FSTL5: variants seen among roughly 807,000 people sequenced by gnomAD.
The protein encoded by FSTL5 is follistatin-related protein 5.
FSTL5 carries 62 observed loss-of-function variants against 89.1 expected under a neutral mutation model. The ratio of observed to expected loss-of-function variants is 0.70; its 90% CI spans 0.57 to 0.86. FSTL5 has a LOEUF of 0.86. FSTL5 is among the 40% of genes least tolerant of loss of function. The pLI is 0.00. For missense variants in FSTL5, 1,057 were observed against 1,001.6 expected (o/e 1.06, Z -0.75); for synonymous variants, 383 against 346.2 (o/e 1.11, Z -1.18).
At chr4:162,110,952 G>A (rs1021862096) in intron 2 of FSTL5, among the ~76,000 whole-genome samples, 1 of 151,728 alleles carries the variant, frequency 6.6e-6, no homozygotes. Flanking sequence ...CAATTAATAT[G>A]GGAGTAATAT....
intron 2 of FSTL5, among the ~76,000 whole-genome samples, chr4:162,044,778 T>G (rs1738108653): frequency 6.6e-6 from 1 of 152,162 alleles, no homozygotes; most frequent in South Asian, 2.1e-4. Context: ...CTTGCACTCT[T>G]ATATTATAGA....
In FSTL5 at chr4:162,111,467, C is replaced by T. The variant is rs376849658; in HGVS notation, c.-16-55G>A. The T allele has an allele frequency of 3.6e-4, 471 of 1,317,898 alleles. 4 individuals are homozygous for T. In the South Asian group the frequency reaches 6.3e-3, roughly 18 times the overall value. The allele number at this position is 1,317,898 out of a possible 1,614,324, so 81.6% of individuals were successfully genotyped here. A position where few individuals can be genotyped will look rare whatever the true frequency, so the allele number is the denominator to read the frequency against. ...AGAAAATGAATTATATATTAAAAAA[C>T]ATGTATCATGAAATATTTAATATCA... On this transcript the variant is annotated intron_variant, in intron 1 of 15. Coordinates refer to ENST00000306100, the MANE Select transcript of FSTL5 (RefSeq NM_020116.5).
chr4:162,008,253 C>A (rs1736666485), intron 3 of FSTL5, among the ~76,000 whole-genome samples: 1 of 151,686 alleles, frequency 6.6e-6, no homozygotes. Context: ...CTTAAACATA[C>A]TGTATAAAAT....
chr4:161,566,100 CTATATATATATATA>C (rs59511238), intron 8 of FSTL5, among the ~76,000 whole-genome samples: 670 of 54,050 alleles, frequency 0.012, 9 homozygotes, highest in Admixed American at 0.054. Context: ...TTTTTTTGGA[CTATATATATATATA>C]TATATATATA....
Position 161,779,057 on chromosome 4 carries a change from G to A in FSTL5, c.410-2983C>T, listed in dbSNP as rs943568493. On this transcript the variant is annotated intron_variant, in intron 4 of 15. Coordinates refer to ENST00000306100, the MANE Select transcript of FSTL5 (RefSeq NM_020116.5). ...TGGGGAGATCTGAATGTTGGCGAGA[G>A]ATGGATGGGAAATAGGAGTTAAACA... Among the ~76,000 whole-genome samples the A allele has an allele frequency of 3.2e-4, 49 of 152,190 alleles. 1 individual carries two copies. Among genetic ancestry groups the A allele is most frequent in the Admixed American group, 5.9e-4 (9 of 15,284 alleles).
chr4:161,509,214 A>T (rs1730575787), intron 11 of FSTL5, among the ~76,000 whole-genome samples: 1 of 152,104 alleles, frequency 6.6e-6, no homozygotes, highest in African/African-American at 2.4e-5. Flanking sequence ...AAGGCAGGAG[A>T]ATTGCTTGAA....
intron 4 of FSTL5, among the ~76,000 whole-genome samples, chr4:161,838,219 G>T (rs1006908770): frequency 8.5e-5 from 13 of 152,114 alleles, no homozygotes; most frequent in African/African-American, 3.1e-4. Context: ...TAAGGACAAA[G>T]GTAAGAAATT....
At chr4:161,677,442 C>T (rs1055603232) in intron 6 of FSTL5, among the ~76,000 whole-genome samples, 3 of 151,832 alleles carry the variant, frequency 2.0e-5, no homozygotes, top group Admixed American at 2.0e-4. Context: ...GTTTTTATTC[C>T]TTTTTAATGG....
intron 7 of FSTL5, among the ~76,000 whole-genome samples, chr4:161,598,782 A>C (rs1734128497): frequency 6.6e-6 from 1 of 152,168 alleles, no homozygotes; most frequent in Admixed American, 6.6e-5. Flanking sequence ...GTTTAGACAT[A>C]TAGAAAATTC....
At chr4:161,436,732 A>G (rs1470138791) in intron 15 of FSTL5, among the ~76,000 whole-genome samples, 1 of 152,218 alleles carries the variant, frequency 6.6e-6, no homozygotes, top group Non-Finnish European at 1.5e-5. Context: ...ATGCCCGCAG[A>G]TGGTCAGATT....
chr4:161,440,524 T>C (rs1230518382), intron 15 of FSTL5, among the ~76,000 whole-genome samples: 1 of 152,134 alleles, frequency 6.6e-6, no homozygotes, highest in Non-Finnish European at 1.5e-5. Context: ...CACCTACAGA[T>C]AGTCTCTGAC....
chr4:161,954,912 C>A (rs1381851709), intron 3 of FSTL5, among the ~76,000 whole-genome samples: 1 of 151,262 alleles, frequency 6.6e-6, no homozygotes, highest in Non-Finnish European at 1.5e-5. Flanking sequence ...AATGGGAAAA[C>A]AAGCAAAATT....
Position 161,770,160 on chromosome 4 carries a change from T to C in FSTL5, c.606+5718A>G, listed in dbSNP as rs140456953. On this transcript the variant is annotated intron_variant, in intron 5 of 15. Coordinates refer to ENST00000306100, the MANE Select transcript of FSTL5 (RefSeq NM_020116.5). ...CTTACTTATTTGTGGGAGCTACAAA[T>C]GGAAACAATTGAACTTACAGCGATA... is the stretch of plus-strand genomic sequence containing the variant. Among the ~76,000 whole-genome samples the C allele has an allele frequency of 3.8e-3, 571 of 152,090 alleles. 7 individuals are homozygous for C. Among genetic ancestry groups the C allele is most frequent in the African/African-American group, 0.013 (544 of 41,536 alleles).
chr4:161,622,185 C>T (rs1030301464), intron 7 of FSTL5, among the ~76,000 whole-genome samples: 2 of 151,908 alleles, frequency 1.3e-5, no homozygotes, highest in African/African-American at 4.8e-5. Flanking sequence ...AACCAATAAA[C>T]ATGAGATTAA....
intron 3 of FSTL5, among the ~76,000 whole-genome samples, chr4:161,925,404 T>G (rs530749190): frequency 1.4e-4 from 22 of 152,012 alleles, no homozygotes; most frequent in African/African-American, 4.8e-4. Context: ...GTTTTTGCCA[T>G]TACTTTCAAT....
chr4:161,903,546 AT>A (rs1466636524), intron 4 of FSTL5, among the ~76,000 whole-genome samples: 10 of 151,974 alleles, frequency 6.6e-5, no homozygotes, highest in African/African-American at 2.4e-4. Flanking sequence ...TTTTAAAACT[AT>A]TATAGTCTCA....
At chr4:161,928,758 T>C (rs776490135) in intron 3 of FSTL5, among the ~76,000 whole-genome samples, 5 of 151,822 alleles carry the variant, frequency 3.3e-5, no homozygotes, top group Admixed American at 6.6e-5. Flanking sequence ...CCCATTTTTA[T>C]TGTGAAGGTT....
At chr4:161,955,879 A>G (rs1735014436) in intron 3 of FSTL5, among the ~76,000 whole-genome samples, 1 of 151,746 alleles carries the variant, frequency 6.6e-6, no homozygotes, top group South Asian at 2.1e-4. Context: ...TTTCAAGGAG[A>G]GAGGTGGTTT....
At chr4:161,903,376 T>A (rs999089421) in intron 4 of FSTL5, among the ~76,000 whole-genome samples, 1 of 152,102 alleles carries the variant, frequency 6.6e-6, no homozygotes, top group African/African-American at 2.4e-5. Context: ...TTCTCTCCCA[T>A]GAAAATAAAA....
Sources: gnomAD v4.1 joint callset for allele counts (sites outside exome capture counted in the v4.1 genomes callset) on GRCh38, gnomAD v4.1.1 for gene constraint, MANE v1.5 for transcripts, NCBI Gene and HGNC (gene_info 2026-07-23, HGNC 2026-07-21) for gene names.